The following HTR2C variants were observed in gnomAD, a reference collection of about 807,000 sequenced individuals.
HTR2C encodes 5-hydroxytryptamine receptor 2C, also known as 5-hydroxytryptamine (serotonin) receptor 2C, G protein-coupled.
Under a neutral mutation model 21.0 loss-of-function variants are expected in HTR2C, and 5 were observed. That is an observed-to-expected ratio of 0.24 (90% CI 0.12 to 0.50). The LOEUF (loss-of-function observed/expected upper bound fraction) is 0.50. Among genes scored for constraint, HTR2C ranks in the 20% least tolerant of loss-of-function variants. HTR2C has a pLI of 0.98. For missense variants in HTR2C, 271 were observed against 371.2 expected (o/e 0.73, Z 2.22); for synonymous variants, 150 against 145.3 (o/e 1.03, Z -0.23).
chrX:114,659,676 C>A (rs1312464043), intron 2 of HTR2C, among the ~76,000 whole-genome samples: 1 of 110,115 alleles, frequency 9.1e-6, no homozygotes, highest in Non-Finnish European at 1.9e-5. Context: ...GGAGAAACAA[C>A]AACTAAATAC....
At chrX:114,826,576 A>G (rs1190285642) in intron 4 of HTR2C, among the ~76,000 whole-genome samples, 1 of 112,105 alleles carries the variant, frequency 8.9e-6, no homozygotes, top group Non-Finnish European at 1.9e-5. Context: ...CTTATTATGT[A>G]TATGCAAATA....
intron 4 of HTR2C, among the ~76,000 whole-genome samples, chrX:114,768,171 A>G (rs371402231): frequency 6.9e-4 from 77 of 111,111 alleles, no homozygotes; most frequent in African/African-American, 2.3e-3. Context: ...AAGTAATGTT[A>G]TATTAGTATT....
intron 2 of HTR2C, among the ~76,000 whole-genome samples, chrX:114,682,693 A>C (rs1556413672): frequency 9.0e-6 from 1 of 111,060 alleles, no homozygotes; most frequent in Non-Finnish European, 1.9e-5. Flanking sequence ...TCTGTAGTTC[A>C]TTTAGAGATA....
At chrX:114,650,481 G>T (rs1330716284) in intron 2 of HTR2C, among the ~76,000 whole-genome samples, 1 of 111,107 alleles carries the variant, frequency 9.0e-6, no homozygotes, top group Non-Finnish European at 1.9e-5. Flanking sequence ...TTTGTACTTG[G>T]TGTTCTCTCT....
At chrX:114,799,891 A>G (rs1161497445) in intron 4 of HTR2C, among the ~76,000 whole-genome samples, 2 of 111,554 alleles carry the variant, frequency 1.8e-5, no homozygotes, top group Non-Finnish European at 3.8e-5. Flanking sequence ...AACTAGAGGT[A>G]TACACAAACT....
chrX:114,627,011 A>C (rs2060578772), intron 2 of HTR2C, among the ~76,000 whole-genome samples: 1 of 111,946 alleles, frequency 8.9e-6, no homozygotes, highest in South Asian at 3.7e-4. Context: ...TAACGTTCTA[A>C]ATTTATTTTT....
chrX:114,693,580 A>G (rs1556415396), intron 2 of HTR2C, among the ~76,000 whole-genome samples: 2 of 111,544 alleles, frequency 1.8e-5, no homozygotes, highest in East Asian at 2.8e-4. Flanking sequence ...TGTCCTGTGC[A>G]CTGCAGGTTG....
chrX:114,664,129 A>T (rs1473867390), intron 2 of HTR2C, among the ~76,000 whole-genome samples: 1 of 111,914 alleles, frequency 8.9e-6, no homozygotes, highest in Non-Finnish European at 1.9e-5. Context: ...AAGTTTTAAG[A>T]TTCAGCAGTA....
chrX:114,608,100 C>T (rs1274572242), intron 1 of HTR2C, among the ~76,000 whole-genome samples: 1 of 111,681 alleles, frequency 9.0e-6, no homozygotes, highest in East Asian at 2.8e-4. Context: ...CAGTCAGTCC[C>T]TCTTGCAAAG....
intron 1 of HTR2C, among the ~76,000 whole-genome samples, chrX:114,602,697 G>A (rs1602628711): frequency 2.6e-5 from 1 of 38,842 alleles, no homozygotes; most frequent in East Asian, 1.8e-3. Context: ...AATGACTGTG[G>A]TGGCCTTCCC....
chrX:114,593,890 C>A (rs1427119886), intron 1 of HTR2C, among the ~76,000 whole-genome samples: 1 of 111,898 alleles, frequency 8.9e-6, no homozygotes, highest in Non-Finnish European at 1.9e-5. Flanking sequence ...ATGGTTATGA[C>A]TCTTCAGCTA....
At chrX:114,629,464 T>A (rs1290884471) in intron 2 of HTR2C, among the ~76,000 whole-genome samples, 2 of 111,971 alleles carry the variant, frequency 1.8e-5, no homozygotes, top group African/African-American at 6.5e-5. Flanking sequence ...ACTTTGTACA[T>A]GAAACTTCCC....
chrX:114,653,599 A>G (rs1254740364), intron 2 of HTR2C, among the ~76,000 whole-genome samples: 2 of 110,621 alleles, frequency 1.8e-5, no homozygotes, highest in African/African-American at 3.3e-5. Flanking sequence ...GCCATTTATC[A>G]GACAGAACCT....
chrX:114,638,499 G>GTTTATTTA (rs200717009), intron 2 of HTR2C, among the ~76,000 whole-genome samples: 11,462 of 100,649 alleles, frequency 0.11, 999 homozygotes, highest in African/African-American at 0.28. Context: ...TATGTAATAC[G>GTTTATTTA]TTTATTTATT....
chrX:114,876,339 C>T (rs2071134612), intron 5 of HTR2C, among the ~76,000 whole-genome samples: 1 of 108,172 alleles, frequency 9.2e-6, no homozygotes, highest in Non-Finnish European at 1.9e-5. Context: ...AAAATCATGT[C>T]ATCTGCAAAC....
intron 5 of HTR2C, among the ~76,000 whole-genome samples, chrX:114,852,520 G>A (rs1000481938): frequency 2.7e-4 from 30 of 109,444 alleles, no homozygotes; most frequent in African/African-American, 9.6e-4. Context: ...GTTTTGCTTT[G>A]TTCTTTTACT....
intron 4 of HTR2C, among the ~76,000 whole-genome samples, chrX:114,806,794 C>CTG (rs1556450131): frequency 5.3e-5 from 5 of 94,881 alleles, no homozygotes; most frequent in Admixed American, 1.2e-4. Context: ...CATATATATA[C>CTG]CATATATATA....
intron 4 of HTR2C, among the ~76,000 whole-genome samples, chrX:114,824,614 A>G (rs978202578): frequency 9.0e-6 from 1 of 111,636 alleles, no homozygotes; most frequent in Non-Finnish European, 1.9e-5. Context: ...ATTAGGGTCA[A>G]GTTAAACAGG....
Position 114,823,995 on chromosome X carries a change from C to A in HTR2C, c.350-24008C>A, listed in dbSNP as rs182478686. Among the ~76,000 whole-genome samples the A allele has an allele frequency of 3.5e-3, 396 of 111,584 alleles. 3 individuals carry two copies. The highest frequency in any genetic ancestry group is 6.3e-3 in the Non-Finnish European group (332 of 53,069). The stretch of plus-strand genomic sequence containing the variant: ...AGCCTAGAATTTCAAGTCTGAGGGT[C>A]AAGGTAAGATAGTAAATTAAAAAAT... On this transcript the variant is annotated intron_variant, in intron 4 of 5. Transcript: ENST00000276198.
Sources: allele counts gnomAD v4.1 joint callset (sites outside exome capture counted in the v4.1 genomes callset), GRCh38; gene constraint gnomAD v4.1.1; transcripts MANE v1.5; gene names NCBI Gene and HGNC (gene_info 2026-07-23, HGNC 2026-07-21).